SPTLC1: variants seen among roughly 807,000 people sequenced by gnomAD.
SPTLC1 encodes the protein serine palmitoyltransferase 1.
A neutral mutation model predicts 68.9 loss-of-function variants in SPTLC1; 55 were observed. That is an observed-to-expected ratio of 0.80 (90% confidence interval 0.64 to 1.00). The LOEUF (loss-of-function observed/expected upper bound fraction) is 1.00. Ranked by LOEUF, SPTLC1 falls within the 50% of genes least tolerant of loss-of-function variation. The pLI is 0.00. For synonymous variants in SPTLC1, 197 were observed against 201.6 expected (o/e 0.98, Z 0.19); for missense variants, 449 against 573.1 (o/e 0.78, Z 2.21).
chr9:92,078,557 C>A (rs543959713), intron 5 of SPTLC1, among the ~76,000 whole-genome samples: 14 of 152,294 alleles, frequency 9.2e-5, no homozygotes, highest in Non-Finnish European at 8.8e-5. Context: ...CTCCTAGGAT[C>A]AAGGGATCCT....
chr9:92,050,877 A>G, intron 8 of SPTLC1: 1 of 319,402 alleles, frequency 3.1e-6, no homozygotes. Context: ...CAGTGGTAGG[A>G]TCATGGCTCA....
chr9:92,072,149 G>A (rs1378597001), intron 5 of SPTLC1, among the ~76,000 whole-genome samples: 1 of 151,910 alleles, frequency 6.6e-6, no homozygotes, highest in African/African-American at 2.4e-5. Context: ...CCGAAAGCCC[G>A]GGATAGGGGA....
intron 3 of SPTLC1, among the ~76,000 whole-genome samples, chr9:92,086,473 A>G (rs1306882632): frequency 6.6e-6 from 1 of 152,102 alleles, no homozygotes; most frequent in African/African-American, 2.4e-5. Flanking sequence ...GCTTGTCTGT[A>G]AAGTATTTTA....
chr9:92,038,437 T>C, intron 12 of SPTLC1, 72 bp from the exon 13 acceptor site: 1 of 983,456 alleles, frequency 1.0e-6, no homozygotes, highest in Middle Eastern at 2.1e-4. Flanking sequence ...AGAAATAATG[T>C]TAGAAGTCCA....
intron 3 of SPTLC1, among the ~76,000 whole-genome samples, chr9:92,095,451 G>A (rs938110494): frequency 2.0e-5 from 3 of 152,110 alleles, no homozygotes; most frequent in Non-Finnish European, 1.5e-5. Context: ...AAATGGGGGC[G>A]GTTTAGGTGT....
chr9:92,106,908 CCT>C (rs1836017966), intron 3 of SPTLC1, among the ~76,000 whole-genome samples: 1 of 152,192 alleles, frequency 6.6e-6, no homozygotes, highest in African/African-American at 2.4e-5. Context: ...TTCCTCTCCT[CCT>C]CTTTCCTCCC....
At chr9:92,091,186 C>T (rs901456862) in intron 3 of SPTLC1, among the ~76,000 whole-genome samples, 6 of 152,082 alleles carry the variant, frequency 3.9e-5, no homozygotes, top group Non-Finnish European at 7.3e-5. Flanking sequence ...TACTTATTTC[C>T]CACACATAAT....
rs1461588667 is a variant in SPTLC1 at position 92,047,221 on chromosome 9, C to CA, written c.1031dup (p.Leu345ValfsTer7). Reference sequence around the variant, plus strand: ...GGGCCTCAATTGCTGCAGCAGCTAACAGGGGAGGTAACGAAGCTGAAAAGC... The same window carrying CA: ...GGGCCTCAATTGCTGCAGCAGCTAACAAGGGGAGGTAACGAAGCTGAAAAGC... On this transcript the variant is annotated frameshift_variant, in exon 11 of 15. Transcript: ENST00000262554. LOFTEE classifies it high-confidence loss of function. 1 of 1,613,986 alleles carries CA rather than the reference C, an allele frequency of 6.2e-7. No individual in the cohort carries two copies. Among genetic ancestry groups the CA allele is most frequent in the Non-Finnish European group, 8.5e-7 (1 of 1,179,986 alleles).
At chr9:92,078,932 T>A in intron 5 of SPTLC1, 5 of 493,534 alleles carry the variant, frequency 1.0e-5, no homozygotes, top group Non-Finnish European at 1.3e-5. Flanking sequence ...AAAACTTAAC[T>A]GTTAAAGTAA....
At chr9:92,095,884 A>G (rs1169095209) in intron 3 of SPTLC1, among the ~76,000 whole-genome samples, 1 of 152,212 alleles carries the variant, frequency 6.6e-6, no homozygotes, top group Non-Finnish European at 1.5e-5. Context: ...CTTCCATTAA[A>G]CACTGGAAAA....
chr9:92,052,433 G>A (rs1833731818), intron 8 of SPTLC1, among the ~76,000 whole-genome samples: 1 of 152,060 alleles, frequency 6.6e-6, no homozygotes, highest in Non-Finnish European at 1.5e-5. Flanking sequence ...GAACTCAAAT[G>A]AACTACAGAC....
chr9:92,038,582 T>C (rs1430947021), intron 12 of SPTLC1: 2 of 572,132 alleles, frequency 3.5e-6, no homozygotes, highest in East Asian at 6.5e-5. Flanking sequence ...CAATGTGGCT[T>C]CCTGAGTGCA....
At chr9:92,100,351 T>A (rs192970053) in intron 3 of SPTLC1, among the ~76,000 whole-genome samples, 72 of 152,188 alleles carry the variant, frequency 4.7e-4, no homozygotes, top group Admixed American at 1.1e-3. Flanking sequence ...CATAGCTGAG[T>A]ATATTCTGTT....
chr9:92,067,172 G>A (rs1321639402), intron 6 of SPTLC1, among the ~76,000 whole-genome samples: 4 of 151,948 alleles, frequency 2.6e-5, no homozygotes, highest in African/African-American at 4.8e-5. Context: ...GGTGGCGCAT[G>A]CCTGTAATCC....
intron 5 of SPTLC1, among the ~76,000 whole-genome samples, chr9:92,078,730 C>G (rs112608164): frequency 6.6e-6 from 1 of 152,214 alleles, no homozygotes; most frequent in Non-Finnish European, 1.5e-5. Flanking sequence ...GTTAGGATTA[C>G]AGGCATGAGC....
intron 5 of SPTLC1, among the ~76,000 whole-genome samples, chr9:92,078,585 T>C (rs1834764785): frequency 6.6e-6 from 1 of 152,208 alleles, no homozygotes; most frequent in Non-Finnish European, 1.5e-5. Context: ...CCGCCACCTG[T>C]GTAGCTGGGA....
intron 14 of SPTLC1, 111 bp downstream of exon 14, chr9:92,034,699 G>C (rs963683201): frequency 1.1e-6 from 1 of 870,174 alleles, no homozygotes; most frequent in African/African-American, 1.7e-5. Flanking sequence ...TTTAATGACA[G>C]ATATTCTTCC....
intron 5 of SPTLC1, among the ~76,000 whole-genome samples, chr9:92,069,611 G>A (rs1834412898): frequency 6.6e-6 from 1 of 152,160 alleles, no homozygotes; most frequent in African/African-American, 2.4e-5. Context: ...CAAGAAAGAG[G>A]AAAACAGCCA....
intron 8 of SPTLC1, among the ~76,000 whole-genome samples, chr9:92,052,554 G>A (rs1235194111): frequency 6.7e-6 from 1 of 150,358 alleles, no homozygotes; most frequent in Non-Finnish European, 1.5e-5. Flanking sequence ...TTTTGAGACA[G>A]AGTCTCGCTC....
Sources: gnomAD v4.1 joint callset for allele counts (sites outside exome capture counted in the v4.1 genomes callset) on GRCh38, gnomAD v4.1.1 for gene constraint, MANE v1.5 for transcripts, NCBI Gene and HGNC (gene_info 2026-07-23, HGNC 2026-07-21) for gene names.